Variants in SLC5A4 observed in about 807,000 individuals in gnomAD.
SLC5A4 encodes probable glucose sensor protein SLC5A4.
Under a neutral mutation model 70.3 loss-of-function variants are expected in SLC5A4, and 55 were observed. The observed-to-expected ratio is 0.78, with a 90% CI of 0.63 to 0.98. The LOEUF (loss-of-function observed/expected upper bound fraction) is 0.98, where lower values mean the gene tolerates loss of function less well. SLC5A4 is among the 50% of genes least tolerant of loss of function. SLC5A4 has a pLI of 0.00. For synonymous variants in SLC5A4, 268 were observed against 305.7 expected (o/e 0.88, Z 1.29); for missense variants, 735 against 839.2 (o/e 0.88, Z 1.53).
chr22:32,331,166 G>GGGGGGCTCTGGTGTATGTGTT, the SLC5A4 span, among the ~76,000 whole-genome samples: 1 of 120,420 alleles, frequency 8.3e-6, no homozygotes, highest in Non-Finnish European at 1.7e-5. Flanking sequence ...TGTGTGTGTT[G>GGGGGGCTCTGGTGTATGTGTT]GGGGGCTCTG....
the SLC5A4 span, chr22:32,272,004 C>A: frequency 1.6e-6 from 1 of 620,946 alleles, no homozygotes; most frequent in East Asian, 3.0e-5. Context: ...CATCCACCCC[C>A]AGGAGGCGGC....
chr22:32,338,423 T>C, the SLC5A4 span, among the ~76,000 whole-genome samples: 4 of 152,030 alleles, frequency 2.6e-5, no homozygotes, highest in South Asian at 8.3e-4. Flanking sequence ...CCGAGGCAGG[T>C]GGATTGCTTG....
chr22:32,249,573 C>T (rs1315473822), intron 3 of SLC5A4, among the ~76,000 whole-genome samples: 2 of 152,220 alleles, frequency 1.3e-5, no homozygotes, highest in Non-Finnish European at 2.9e-5. Flanking sequence ...GCAAAATCTT[C>T]AGCAGGGGAG....
the SLC5A4 span, among the ~76,000 whole-genome samples, chr22:32,349,149 G>GT: frequency 4.0e-5 from 6 of 151,884 alleles, no homozygotes; most frequent in Non-Finnish European, 7.4e-5. Context: ...AATTTTTTGT[G>GT]TTTTTAGTAG....
the SLC5A4 span, among the ~76,000 whole-genome samples, chr22:32,305,981 G>A: frequency 0.48 from 72,646 of 151,564 alleles, 17,565 homozygotes; most frequent in Admixed American, 0.51. Flanking sequence ...ATGGACTCAC[G>A]TGCCCAGTTC....
At chr22:32,302,777 C>A in the SLC5A4 span, among the ~76,000 whole-genome samples, 1 of 152,224 alleles carries the variant, frequency 6.6e-6, no homozygotes. Flanking sequence ...TCCCACTTTA[C>A]TCTGTTTCAA....
At chr22:32,272,684 G>C in the SLC5A4 span, 1 of 540,716 alleles carries the variant, frequency 1.8e-6, no homozygotes, top group Non-Finnish European at 3.5e-6. Context: ...GCATGTGCCT[G>C]CTGCGCTGGG....
chr22:32,308,254 AAAATT>A, the SLC5A4 span, among the ~76,000 whole-genome samples: 2 of 152,228 alleles, frequency 1.3e-5, no homozygotes, highest in South Asian at 2.1e-4. Context: ...CCCAAGTTGA[AAAATT>A]AAAATAAGCC....
chr22:32,319,174 G>A, the SLC5A4 span, among the ~76,000 whole-genome samples: 1 of 152,004 alleles, frequency 6.6e-6, no homozygotes, highest in Non-Finnish European at 1.5e-5. Context: ...TGGCTCTCAG[G>A]CCCTTGACTC....
chr22:32,349,194 C>T, the SLC5A4 span, among the ~76,000 whole-genome samples: 7 of 152,122 alleles, frequency 4.6e-5, no homozygotes, highest in East Asian at 5.8e-4. Flanking sequence ...AGGATAGTCT[C>T]GATCTCCTGA....
At chr22:32,297,483 T>C in the SLC5A4 span, among the ~76,000 whole-genome samples, 1 of 132,752 alleles carries the variant, frequency 7.5e-6, no homozygotes, top group African/African-American at 2.8e-5. Context: ...TGTATTTCTG[T>C]GGGATCGGTG....
chr22:32,274,041 A>ATT, the SLC5A4 span, among the ~76,000 whole-genome samples: 415 of 139,130 alleles, frequency 3.0e-3, 2 homozygotes, highest in African/African-American at 7.3e-3. Flanking sequence ...TTGATATTCT[A>ATT]TTTTTTTTTT....
the SLC5A4 span, among the ~76,000 whole-genome samples, chr22:32,275,336 T>C: frequency 6.6e-6 from 1 of 152,204 alleles, no homozygotes; most frequent in Non-Finnish European, 1.5e-5. Context: ...AACTCGTCAT[T>C]TAGCATTAGG....
chr22:32,321,506 T>C, the SLC5A4 span, among the ~76,000 whole-genome samples: 5 of 152,272 alleles, frequency 3.3e-5, no homozygotes, highest in South Asian at 8.3e-4. Context: ...ACGTGCAGGT[T>C]TGTGACACAG....
At chr22:32,315,713 G>A in the SLC5A4 span, among the ~76,000 whole-genome samples, 1 of 144,044 alleles carries the variant, frequency 6.9e-6, no homozygotes, top group Admixed American at 7.1e-5. Context: ...AAAGCAGAAA[G>A]CCTATCAAAC....
At chr22:32,330,970 C>G in the SLC5A4 span, among the ~76,000 whole-genome samples, 139 of 2,108 alleles carry the variant, frequency 0.066, 1 homozygote, top group African/African-American at 0.078. Flanking sequence ...GTGTTGGGGG[C>G]ACTGGTGTGT....
At chr22:32,347,330 T>C in the SLC5A4 span, among the ~76,000 whole-genome samples, 12 of 152,144 alleles carry the variant, frequency 7.9e-5, no homozygotes, top group Admixed American at 7.9e-4. Flanking sequence ...AGAAATACCA[T>C]TTGACCCAGC....
chr22:32,350,448 A>G, the SLC5A4 span, among the ~76,000 whole-genome samples: 7 of 152,100 alleles, frequency 4.6e-5, no homozygotes, highest in African/African-American at 1.7e-4. Context: ...CCTCATCTAC[A>G]GCTATATAAT....
chr22:32,267,195 C>A, the SLC5A4 span, among the ~76,000 whole-genome samples: 2 of 152,148 alleles, frequency 1.3e-5, no homozygotes, highest in African/African-American at 4.8e-5. Flanking sequence ...TTAGTGAGGA[C>A]GATCTCCTTT....
Sources: allele counts gnomAD v4.1 joint callset (sites outside exome capture counted in the v4.1 genomes callset), GRCh38; gene constraint gnomAD v4.1.1; transcripts MANE v1.5; gene names NCBI Gene and HGNC (gene_info 2026-07-23, HGNC 2026-07-21).